NCK1: variants seen among roughly 807,000 people sequenced by gnomAD.
NCK1 encodes the protein NCK adaptor protein 1.
A neutral mutation model predicts 36.6 loss-of-function variants in NCK1; 19 were observed. That is an observed-to-expected ratio of 0.52 (90% confidence interval 0.36 to 0.76). The LOEUF (loss-of-function observed/expected upper bound fraction) is 0.76, where lower values mean the gene tolerates loss of function less well. Among genes scored for constraint, NCK1 ranks in the 30% least tolerant of loss-of-function variants. The pLI, the probability that NCK1 is intolerant of heterozygous loss-of-function variation, is 0.00. For missense variants in NCK1, 358 were observed against 445.6 expected (o/e 0.80, Z 1.77); for synonymous variants, 165 against 156.0 (o/e 1.06, Z -0.43).
chr3:136,880,350 T>G, intron 1 of NCK1, among the ~76,000 whole-genome samples: 1 of 151,452 alleles, frequency 6.6e-6, no homozygotes, highest in South Asian at 2.1e-4. Flanking sequence ...CAAGTTAAAA[T>G]GAGGTTATTA....
chr3:136,875,311 T>C (rs1938736000), intron 1 of NCK1, among the ~76,000 whole-genome samples: 1 of 152,126 alleles, frequency 6.6e-6, no homozygotes, highest in South Asian at 2.1e-4. Flanking sequence ...TATACAATCA[T>C]GTCGTCTGCA....
intron 1 of NCK1, among the ~76,000 whole-genome samples, chr3:136,895,840 C>T (rs1324438290): frequency 6.6e-6 from 1 of 152,184 alleles, no homozygotes; most frequent in African/African-American, 2.4e-5. Context: ...GCTGGGATTA[C>T]AGGTATGAGC....
chr3:136,912,447 G>A (rs1040418572), intron 1 of NCK1, among the ~76,000 whole-genome samples: 5 of 150,932 alleles, frequency 3.3e-5, no homozygotes, highest in South Asian at 2.1e-4. Flanking sequence ...GTGTGTGTTC[G>A]TTCTCTTGAT....
At chr3:136,925,998 T>C (rs1344851103) in intron 1 of NCK1, among the ~76,000 whole-genome samples, 1 of 152,180 alleles carries the variant, frequency 6.6e-6, no homozygotes, top group Non-Finnish European at 1.5e-5. Flanking sequence ...CAGCATTTGG[T>C]ATTACCACTC....
intron 1 of NCK1, among the ~76,000 whole-genome samples, chr3:136,871,241 A>G (rs143405427): frequency 6.6e-6 from 1 of 151,962 alleles, no homozygotes; most frequent in African/African-American, 2.4e-5. Flanking sequence ...ACAAAAGTAA[A>G]AAAAAAAAAT....
At chr3:136,930,462 T>C (rs1940362236) in intron 2 of NCK1, 1 of 1,272,980 alleles carries the variant, frequency 7.9e-7, no homozygotes, top group Non-Finnish European at 9.9e-7. Context: ...ATGGATTGGG[T>C]GTGGGAAGTT....
rs748857974 is a variant in NCK1, at chr3:136,945,732, T to C, written c.376T>C (p.Ser126Pro). 1 of 1,614,060 alleles carries C rather than the reference T, an allele frequency of 6.2e-7. No homozygotes were observed. The highest frequency in any genetic ancestry group is 1.3e-5 in the African/African-American group (1 of 74,926). The part of the protein sequence containing the change: ...NYMAEREDEL[S>P]LIKGTKVIVM... ...CATGGCTGAGAGAGAGGATGAATTA[T>C]CATTGATAAAGGGGACAAAGGTGAT... The change falls in exon 3 of 4, where the codon TCA (serine) becomes CCA (proline). Residue 126 changes from serine (S) to proline (P), a missense_variant. This residue lies in a region of NCK1 where 143 missense variants were observed against 162.4 expected (regional missense o/e 0.88). Coordinates refer to ENST00000481752, the MANE Select transcript of NCK1 (RefSeq NM_001291999.2).
chr3:136,883,456 T>G (rs1326481551), intron 1 of NCK1, among the ~76,000 whole-genome samples: 1 of 152,092 alleles, frequency 6.6e-6, no homozygotes, highest in African/African-American at 2.4e-5. Flanking sequence ...CCACTTAAAT[T>G]TTTTTTTCTC....
chr3:136,916,673 AAATAT>A (rs1349719696), intron 1 of NCK1, among the ~76,000 whole-genome samples: 1 of 152,332 alleles, frequency 6.6e-6, no homozygotes, highest in African/African-American at 2.4e-5. Context: ...AGTGACACTG[AAATAT>A]AATAATTAGA....
chr3:136,886,355 A>G (rs1939073609), intron 1 of NCK1, among the ~76,000 whole-genome samples: 1 of 152,112 alleles, frequency 6.6e-6, no homozygotes, highest in African/African-American at 2.4e-5. Context: ...AAATTTGAGG[A>G]TGCTTGAGTC....
chr3:136,920,173 G>GAAACAA (rs1345173422), intron 1 of NCK1, among the ~76,000 whole-genome samples: 2 of 152,024 alleles, frequency 1.3e-5, no homozygotes, highest in South Asian at 4.1e-4. Flanking sequence ...TAATGAAACA[G>GAAACAA]ATCCCACCAC....
intron 1 of NCK1, among the ~76,000 whole-genome samples, chr3:136,922,399 A>G (rs549308292): frequency 2.0e-5 from 3 of 152,330 alleles, no homozygotes; most frequent in East Asian, 1.9e-4. Context: ...TAACTGCTCT[A>G]AATGGGGGTT....
intron 1 of NCK1, among the ~76,000 whole-genome samples, chr3:136,889,870 T>C (rs983520693): frequency 3.3e-5 from 5 of 152,052 alleles, no homozygotes; most frequent in African/African-American, 1.2e-4. Context: ...TTGGTGTATT[T>C]ACAATCCCTG....
At position 136,949,113 on chromosome 3, in the gene NCK1, T is replaced by G. The variant is rs1428287420; in HGVS notation, c.*660T>G. 6.6e-6 allele frequency: 1 copy of G among 152,336 alleles called. No homozygotes were observed. Among genetic ancestry groups the G allele is most frequent in the Non-Finnish European group, 1.5e-5 (1 of 67,922 alleles). 9.4% of individuals were successfully genotyped at this position (152,336 alleles called of 1,614,324 possible). On this transcript the variant is annotated 3_prime_UTR_variant, in exon 4 of 4. Coordinates refer to ENST00000481752, the MANE Select transcript of NCK1 (RefSeq NM_001291999.2). Reference sequence around the variant, plus strand: ...TACAACTGTTGGAAATAAAAATCACTTAATTTTTTTCCAGTGCTTCTCCCT... The same window carrying G: ...TACAACTGTTGGAAATAAAAATCACGTAATTTTTTTCCAGTGCTTCTCCCT...
chr3:136,911,286 A>G (rs1939822369), intron 1 of NCK1, among the ~76,000 whole-genome samples: 1 of 152,158 alleles, frequency 6.6e-6, no homozygotes, highest in Non-Finnish European at 1.5e-5. Context: ...GGATTGCTGG[A>G]TCATATGGTA....
intron 1 of NCK1, among the ~76,000 whole-genome samples, chr3:136,873,536 G>A (rs1262706559): frequency 6.6e-6 from 1 of 152,084 alleles, no homozygotes; most frequent in East Asian, 1.9e-4. Flanking sequence ...TTAAGACTTC[G>A]GGGGACTGTT....
At chr3:136,864,961 G>T (rs1008126021) in intron 1 of NCK1, among the ~76,000 whole-genome samples, 4 of 120,740 alleles carry the variant, frequency 3.3e-5, no homozygotes, top group East Asian at 4.7e-4. Context: ...TTTTTCTTTT[G>T]TTTGTTTTTT....
chr3:136,881,965 A>G (rs1477817647), intron 1 of NCK1, among the ~76,000 whole-genome samples: 3 of 152,216 alleles, frequency 2.0e-5, no homozygotes, highest in Non-Finnish European at 4.4e-5. Context: ...TTTAGCTGTT[A>G]AGAATAGTGT....
chr3:136,933,627 TC>T (rs1281022094), intron 2 of NCK1, among the ~76,000 whole-genome samples: 3 of 152,116 alleles, frequency 2.0e-5, no homozygotes, highest in Admixed American at 6.5e-5. Flanking sequence ...ATGGTACACT[TC>T]CTCAGTGCTT....
Sources: allele counts gnomAD v4.1 joint callset (sites outside exome capture counted in the v4.1 genomes callset), GRCh38; gene constraint gnomAD v4.1.1; regional missense constraint gnomAD v4.1.1; transcripts MANE v1.5; gene names NCBI Gene and HGNC (gene_info 2026-07-23, HGNC 2026-07-21).